Variants in TMED10 observed in about 807,000 individuals in gnomAD.
The protein encoded by TMED10 is transmembrane emp24 domain-containing protein 10.
A neutral mutation model predicts 23.1 loss-of-function variants in TMED10; 7 were observed. That is an observed-to-expected ratio of 0.30 (90% CI 0.17 to 0.57). The LOEUF (loss-of-function observed/expected upper bound fraction) is 0.57. Ranked by LOEUF, TMED10 falls within the 20% of genes least tolerant of loss-of-function variation. The pLI, the probability that TMED10 is intolerant of heterozygous loss-of-function variation, is 0.91. For synonymous variants in TMED10, 113 were observed against 106.9 expected (o/e 1.06, Z -0.35); for missense variants, 162 against 274.8 (o/e 0.59, Z 2.90).
chr14:75,145,315 CTAATGTCTA>C (rs1895869419), intron 3 of TMED10, among the ~76,000 whole-genome samples: 1 of 152,112 alleles, frequency 6.6e-6, no homozygotes, highest in South Asian at 2.1e-4. Context: ...AGCCCCTTTC[CTAATGTCTA>C]TAAAGTCCAA....
At chr14:75,158,878 C>T (rs1896053590) in intron 1 of TMED10, among the ~76,000 whole-genome samples, 2 of 152,078 alleles carry the variant, frequency 1.3e-5, no homozygotes, top group East Asian at 3.9e-4. Context: ...GAGTCGCGAT[C>T]GCACCATTGC....
chr14:75,164,577 A>ATAT (rs1566675301), intron 1 of TMED10, among the ~76,000 whole-genome samples: 1 of 45,092 alleles, frequency 2.2e-5, no homozygotes, highest in African/African-American at 2.2e-4. Context: ...ATATATATAT[A>ATAT]TTTTTTTTTT....
chr14:75,168,208 C>T (rs1896188311), intron 1 of TMED10, among the ~76,000 whole-genome samples: 1 of 152,146 alleles, frequency 6.6e-6, no homozygotes, highest in Admixed American at 6.6e-5. Context: ...CTCCCTAGTG[C>T]CTGAACTTTC....
At chr14:75,164,605 A>T (rs1896138323) in intron 1 of TMED10, among the ~76,000 whole-genome samples, 3 of 99,370 alleles carry the variant, frequency 3.0e-5, no homozygotes, top group Admixed American at 1.3e-4. Context: ...GTATTTTTAG[A>T]AGAGGCGGGG....
At chr14:75,137,954 C>T (rs910942673) in intron 3 of TMED10, among the ~76,000 whole-genome samples, 3 of 152,126 alleles carry the variant, frequency 2.0e-5, no homozygotes, top group Non-Finnish European at 4.4e-5. Context: ...GGTGATCCAT[C>T]CACCTCGACC....
intron 3 of TMED10, among the ~76,000 whole-genome samples, chr14:75,142,815 T>C (rs1300522554): frequency 2.0e-5 from 3 of 152,164 alleles, no homozygotes; most frequent in African/African-American, 7.2e-5. Flanking sequence ...CTGAAGCAAG[T>C]GTTTCTTGTA....
chr14:75,176,022 A>C, intron 1 of TMED10: 1 of 370,326 alleles, frequency 2.7e-6, no homozygotes, highest in Non-Finnish European at 5.0e-6. Flanking sequence ...TAAATATTCA[A>C]CACCCCAACA....
chr14:75,155,754 G>T (rs1469715238), intron 1 of TMED10, among the ~76,000 whole-genome samples: 1 of 152,006 alleles, frequency 6.6e-6, no homozygotes, highest in Admixed American at 6.6e-5. Flanking sequence ...GGGAAAGAGG[G>T]GTAAAGAAGT....
chr14:75,161,121 A>G lies in TMED10; in HGVS notation c.226-8978T>C, dbSNP rs76263453. ...ATGTCAAGAATATGTGAATACTCACACTGAGCCTGTGAGAAGTGCGAAAAC... is the reference window on the plus strand; with the variant it reads ...ATGTCAAGAATATGTGAATACTCACGCTGAGCCTGTGAGAAGTGCGAAAAC... On this transcript the variant is annotated intron_variant, in intron 1 of 4. Coordinates refer to ENST00000303575, the MANE Select transcript of TMED10 (RefSeq NM_006827.6). Among the ~76,000 whole-genome samples the G allele has an allele frequency of 4.6e-5, 7 of 152,318 alleles. No homozygotes were observed. The East Asian group carries it at 1.4e-3, about 29-fold the overall frequency.
chr14:75,173,372 G>A (rs1896259819), intron 1 of TMED10, among the ~76,000 whole-genome samples: 1 of 151,588 alleles, frequency 6.6e-6, no homozygotes, highest in Non-Finnish European at 1.5e-5. Context: ...AGGGAGAGAG[G>A]GAGGAAGAAA....
chr14:75,147,472 G>A (rs1895900953), intron 3 of TMED10, 192 bp downstream of exon 3: 2 of 655,642 alleles, frequency 3.1e-6, no homozygotes, highest in South Asian at 1.7e-5. Flanking sequence ...GGGATTACAG[G>A]AGTGAGCCAC....
At chr14:75,164,168 C>A (rs1360129392) in intron 1 of TMED10, among the ~76,000 whole-genome samples, 1 of 150,370 alleles carries the variant, frequency 6.7e-6, no homozygotes, top group Admixed American at 6.6e-5. Flanking sequence ...CGGGTTCAAG[C>A]AATTCTTGTG....
In TMED10 at chr14:75,134,884, A is replaced by G. The variant is rs183313033; in HGVS notation, c.*1T>C. 1 of 1,613,924 alleles carries G rather than the reference A, an allele frequency of 6.2e-7. No individual in the cohort carries two copies. On this transcript the variant is annotated 3_prime_UTR_variant, in exon 5 of 5. Transcript: ENST00000303575. ...GGTGGGAGGAGAATATGCCTCATTC[A>G]TTACTCAATCAATTTCTTGGCCTTG...
At chr14:75,147,520 C>T (rs958232082) in intron 3 of TMED10, 144 bp downstream of exon 3, 7 of 876,666 alleles carry the variant, frequency 8.0e-6, no homozygotes, top group South Asian at 2.8e-5. Context: ...CTTTTTGTAT[C>T]AGTAAGATCA....
intron 1 of TMED10, among the ~76,000 whole-genome samples, chr14:75,165,572 CAT>C (rs1014213385): frequency 9.2e-5 from 14 of 152,278 alleles, no homozygotes; most frequent in African/African-American, 3.4e-4. Context: ...AAACGAAAAA[CAT>C]AAACTCTGAC....
chr14:75,164,320 C>T (rs985984883), intron 1 of TMED10, among the ~76,000 whole-genome samples: 6 of 149,916 alleles, frequency 4.0e-5, no homozygotes, highest in African/African-American at 1.2e-4. Flanking sequence ...CAACCTCCAC[C>T]TCCGGGTTCA....
In TMED10 at chr14:75,132,840, C is replaced by A. The variant is rs1474119194; in HGVS notation, c.*2045G>T. The stretch of plus-strand genomic sequence containing the variant: ...ATTCTTGCCACTGTGATTAAACAAG[C>A]CCTGTAATAGTCAGCAGGGTTAAAA... On this transcript the variant is annotated 3_prime_UTR_variant, in exon 5 of 5. Coordinates refer to ENST00000303575, the MANE Select transcript of TMED10 (RefSeq NM_006827.6). The A allele has an allele frequency of 6.6e-6, 1 of 152,528 alleles. No individual in the cohort carries two copies. Among genetic ancestry groups the A allele is most frequent in the Non-Finnish European group, 1.5e-5 (1 of 68,026 alleles). 9.4% of individuals were successfully genotyped at this position (152,528 alleles called of 1,614,324 possible).
In TMED10 at chr14:75,132,428, C is replaced by T. The variant is rs1895698787; in HGVS notation, c.*2457G>A. On this transcript the variant is annotated 3_prime_UTR_variant, in exon 5 of 5. Coordinates refer to ENST00000303575, the MANE Select transcript of TMED10 (RefSeq NM_006827.6). ...AAAAAAGTTTAAGGATGTATCTTAACCCACATATTATTTTCTCTACTTGGA... is the reference window on the plus strand; with the variant it reads ...AAAAAAGTTTAAGGATGTATCTTAATCCACATATTATTTTCTCTACTTGGA... 7.1e-6 allele frequency: 1 copy of T among 141,066 alleles called. No individual in the cohort carries two copies. Among genetic ancestry groups the T allele is most frequent in the South Asian group, 2.3e-4 (1 of 4,256 alleles). The allele number at this position is 141,066 out of a possible 1,614,324, so 8.7% of individuals were successfully genotyped here. A position where few individuals can be genotyped will look rare whatever the true frequency, so the allele number is the denominator to read the frequency against.
At chr14:75,148,185 A>G (rs7150807) in intron 2 of TMED10, among the ~76,000 whole-genome samples, 2,706 of 152,314 alleles carry the variant, frequency 0.018, 87 homozygotes, top group African/African-American at 0.063. Context: ...TTGCCCTGTC[A>G]AATTTTGAGG....
Sources: gnomAD v4.1 joint callset for allele counts (sites outside exome capture counted in the v4.1 genomes callset) on GRCh38, gnomAD v4.1.1 for gene constraint, MANE v1.5 for transcripts, NCBI Gene and HGNC (gene_info 2026-07-23, HGNC 2026-07-21) for gene names.